The following TRAF3IP1 variants were observed in gnomAD, a reference collection of about 807,000 sequenced individuals.
The protein encoded by TRAF3IP1 is intraflagellar transport 54.
Under a neutral mutation model 89.9 loss-of-function variants are expected in TRAF3IP1, and 53 were observed. That is an observed-to-expected ratio of 0.59 (90% CI 0.47 to 0.74). The LOEUF is 0.74. Ranked by LOEUF, TRAF3IP1 falls within the 30% of genes least tolerant of loss-of-function variation. The pLI is 0.00. For synonymous variants in TRAF3IP1, 311 were observed against 322.1 expected (o/e 0.97, Z 0.37); for missense variants, 806 against 866.1 (o/e 0.93, Z 0.87).
chr2:238,370,350 C>CT (rs1436044719), intron 15 of TRAF3IP1, among the ~76,000 whole-genome samples: 2 of 151,978 alleles, frequency 1.3e-5, no homozygotes, highest in East Asian at 1.9e-4. Context: ...GTGTGCGTGT[C>CT]TGAGTGTATA....
chr2:238,381,979 C>T (rs1035572464), intron 15 of TRAF3IP1, among the ~76,000 whole-genome samples: 4 of 152,054 alleles, frequency 2.6e-5, no homozygotes, highest in African/African-American at 7.2e-5. Context: ...CAGAAGCACA[C>T]GGATGTGATC....
intron 15 of TRAF3IP1, among the ~76,000 whole-genome samples, chr2:238,387,540 A>C (rs1010526611): frequency 6.6e-6 from 1 of 152,162 alleles, no homozygotes; most frequent in African/African-American, 2.4e-5. Flanking sequence ...AAAGTTGAGA[A>C]CACACACCCT....
chr2:238,326,560 C>G (rs1313065902), intron 3 of TRAF3IP1, among the ~76,000 whole-genome samples: 2 of 152,074 alleles, frequency 1.3e-5, no homozygotes, highest in African/African-American at 4.8e-5. Flanking sequence ...GTGTCAAGGC[C>G]TCAGGCTTCT....
intron 15 of TRAF3IP1, among the ~76,000 whole-genome samples, chr2:238,365,816 G>A (rs535790480): frequency 9.9e-4 from 150 of 152,168 alleles, no homozygotes; most frequent in Non-Finnish European, 1.3e-3. Flanking sequence ...TAGAGGTTTT[G>A]TTTTTGTTTT....
chr2:238,366,702 C>G (rs1275694430), intron 15 of TRAF3IP1, among the ~76,000 whole-genome samples: 6 of 152,066 alleles, frequency 3.9e-5, no homozygotes, highest in Admixed American at 3.3e-4. Context: ...CACCAGTACC[C>G]TTTTCTGTGC....
intron 15 of TRAF3IP1, among the ~76,000 whole-genome samples, chr2:238,359,073 A>G (rs1272608865): frequency 2.0e-5 from 3 of 152,246 alleles, no homozygotes; most frequent in Non-Finnish European, 4.4e-5. Flanking sequence ...AATAAAACGT[A>G]CTTTACAAAA....
chr2:238,334,657 C>G (rs1330367076), intron 7 of TRAF3IP1, among the ~76,000 whole-genome samples: 1 of 152,162 alleles, frequency 6.6e-6, no homozygotes, highest in Non-Finnish European at 1.5e-5. Flanking sequence ...CATCCTTTTC[C>G]TAAAGTGTGT....
At chr2:238,331,580 C>T (rs577669316) in intron 5 of TRAF3IP1, among the ~76,000 whole-genome samples, 9 of 152,110 alleles carry the variant, frequency 5.9e-5, no homozygotes, top group African/African-American at 1.9e-4. Flanking sequence ...GAGACCATGG[C>T]GAAGTGATTT....
At chr2:238,396,079 C>T (rs1433307173) in intron 15 of TRAF3IP1, among the ~76,000 whole-genome samples, 1 of 152,070 alleles carries the variant, frequency 6.6e-6, no homozygotes, top group Non-Finnish European at 1.5e-5. Flanking sequence ...TACATGCACA[C>T]GTATGTTTAT....
intron 9 of TRAF3IP1, chr2:238,347,151 G>T: frequency 3.1e-6 from 1 of 325,020 alleles, no homozygotes; most frequent in Non-Finnish European, 5.7e-6. Context: ...TGGCTTTGTC[G>T]ATTCTTGTCT....
intron 8 of TRAF3IP1, among the ~76,000 whole-genome samples, chr2:238,340,569 A>G (rs1320953035): frequency 1.3e-5 from 2 of 152,146 alleles, no homozygotes; most frequent in African/African-American, 4.8e-5. Flanking sequence ...TCCAGTTGTT[A>G]TGCAAGCTGT....
chr2:238,358,180 G>A (rs1418439149), intron 15 of TRAF3IP1, among the ~76,000 whole-genome samples: 2 of 150,826 alleles, frequency 1.3e-5, no homozygotes, highest in Non-Finnish European at 2.9e-5. Flanking sequence ...GCGCGATCTC[G>A]GCTCACTGCA....
intron 15 of TRAF3IP1, among the ~76,000 whole-genome samples, chr2:238,393,087 C>CTGT (rs1654770746): frequency 6.6e-6 from 1 of 152,180 alleles, no homozygotes; most frequent in Admixed American, 6.5e-5. Flanking sequence ...TTGGTTGATA[C>CTGT]TGTAGTTGCA....
chr2:238,333,946 C>A lies in TRAF3IP1; in HGVS notation c.988-14C>A, dbSNP rs1559359195. The A allele has an allele frequency of 6.3e-7, 1 of 1,593,630 alleles. No individual in the cohort carries two copies. The highest frequency in any genetic ancestry group is 8.6e-7 in the Non-Finnish European group (1 of 1,168,168). On this transcript the variant is annotated splice_polypyrimidine_tract_variant and intron_variant, in intron 6 of 16. Coordinates refer to ENST00000373327, the MANE Select transcript of TRAF3IP1 (RefSeq NM_015650.4). ...ATACATCAATTAATTTCTTTTCATTCTTTTTTCTTTAAGACTGAGATTTCC... is the reference window on the plus strand; with the variant it reads ...ATACATCAATTAATTTCTTTTCATTATTTTTTCTTTAAGACTGAGATTTCC...
At chr2:238,391,223 C>A (rs1700981899) in intron 15 of TRAF3IP1, among the ~76,000 whole-genome samples, 2 of 152,172 alleles carry the variant, frequency 1.3e-5, no homozygotes, top group Admixed American at 1.3e-4. Flanking sequence ...TCCCAAATTG[C>A]TGGGATTACC....
intron 15 of TRAF3IP1, among the ~76,000 whole-genome samples, chr2:238,370,562 C>T (rs1700069445): frequency 1.3e-5 from 2 of 152,154 alleles, no homozygotes; most frequent in Non-Finnish European, 2.9e-5. Context: ...ATTCTCCCTA[C>T]CCCGGGCTCT....
At chr2:238,389,849 A>G (rs907325530) in intron 15 of TRAF3IP1, among the ~76,000 whole-genome samples, 7 of 152,052 alleles carry the variant, frequency 4.6e-5, no homozygotes, top group Non-Finnish European at 8.8e-5. Context: ...GTGTATTTAT[A>G]TGACTTATAA....
At chr2:238,332,023 G>T (rs1409915204) in intron 5 of TRAF3IP1, among the ~76,000 whole-genome samples, 1 of 152,218 alleles carries the variant, frequency 6.6e-6, no homozygotes, top group African/African-American at 2.4e-5. Context: ...CAGGTGCTAA[G>T]TTAGACTGGC....
intron 1 of TRAF3IP1, among the ~76,000 whole-genome samples, chr2:238,322,093 C>T (rs1216352530): frequency 6.6e-6 from 1 of 152,238 alleles, no homozygotes; most frequent in African/African-American, 2.4e-5. Flanking sequence ...GGGAGAGGAC[C>T]TGCTGTGTGG....
Sources: gnomAD v4.1 joint callset for allele counts (sites outside exome capture counted in the v4.1 genomes callset) on GRCh38, gnomAD v4.1.1 for gene constraint, MANE v1.5 for transcripts, NCBI Gene and HGNC (gene_info 2026-07-23, HGNC 2026-07-21) for gene names.